The following PAM variants were observed in gnomAD, a reference collection of about 807,000 sequenced individuals.
The protein encoded by PAM is peptidyl-glycine alpha-amidating monooxygenase.
A neutral mutation model predicts 122.1 loss-of-function variants in PAM; 72 were observed. The observed-to-expected ratio is 0.59, with a 90% CI of 0.49 to 0.72. The LOEUF (loss-of-function observed/expected upper bound fraction) is 0.72. PAM is among the 30% of genes least tolerant of loss of function. The pLI is 0.00. For synonymous variants in PAM, 389 were observed against 404.4 expected, an observed-to-expected ratio of 0.96 and a Z score of 0.46; for missense variants, 1,106 against 1,183.7, an observed-to-expected ratio of 0.93 and a Z score of 0.96.
intron 1 of PAM, among the ~76,000 whole-genome samples, chr5:102,785,712 T>C (rs1176847330): frequency 6.6e-6 from 1 of 152,064 alleles, no homozygotes; most frequent in Non-Finnish European, 1.5e-5. Context: ...AAAGTGTAAG[T>C]TGGGGGAAAC....
At chr5:102,844,356 G>C (rs1779419185) in intron 1 of PAM, among the ~76,000 whole-genome samples, 1 of 152,114 alleles carries the variant, frequency 6.6e-6, no homozygotes, top group Non-Finnish European at 1.5e-5. Flanking sequence ...GGATCTCTCT[G>C]TACTATTTCT....
intron 1 of PAM, among the ~76,000 whole-genome samples, chr5:102,857,356 A>G (rs1370201222): frequency 6.6e-6 from 1 of 152,150 alleles, no homozygotes; most frequent in Non-Finnish European, 1.5e-5. Context: ...ATGGCTCTTC[A>G]AGAGAGTGGA....
intron 15 of PAM, among the ~76,000 whole-genome samples, chr5:102,979,305 T>C (rs1044804801): frequency 2.0e-5 from 3 of 152,184 alleles, no homozygotes; most frequent in Non-Finnish European, 2.9e-5. Context: ...GGTAAATCTC[T>C]TCCTCACTTC....
chr5:102,997,701 T>A (rs1267559129), intron 16 of PAM, among the ~76,000 whole-genome samples: 1 of 152,248 alleles, frequency 6.6e-6, no homozygotes, highest in African/African-American at 2.4e-5. Flanking sequence ...TTAATTTTAC[T>A]ATTTGCTGCC....
rs149345963 is a variant in PAM, at chr5:102,803,146, AAAGGAAGGAAGGAAGGAAGG to A, written c.-374+47841_-374+47860del. On this transcript the variant is annotated intron_variant, in intron 1 of 25. Coordinates refer to ENST00000438793, the MANE Select transcript of PAM (RefSeq NM_001177306.2). ...TCCAAAAAAAAAGAAAGAAAGAAAG[AAAGGAAGGAAGGAAGGAAGG>A]AAGGAAGGAAGGAAGGAAGGAAGGA... Among the ~76,000 whole-genome samples, 1,011 of 133,670 alleles carry A rather than the reference AAAGGAAGGAAGGAAGGAAGG, an allele frequency of 7.6e-3. 18 individuals carry two copies. The highest frequency in any genetic ancestry group is 0.011 in the Non-Finnish European group (678 of 63,970). The allele number at this position is 133,670 out of a possible 152,430, so 87.7% of individuals were successfully genotyped here. A position where few individuals can be genotyped will look rare whatever the true frequency, so the allele number is the denominator to read the frequency against.
chr5:102,946,840 A>C lies in PAM; in HGVS notation c.530A>C (p.Asn177Thr), dbSNP rs1757211307. ...HYGDISAFRD[N>T]NKDCSGVSLH... ...GTGTTTCTATGTGTGTTTTCAGATA[A>C]TAACAAGGACTGTTCTGGTGTGTCC... is the stretch of plus-strand genomic sequence containing the variant. The change falls in exon 8 of 26, where the codon AAT becomes ACT. Residue 177 changes from asparagine to threonine, a missense_variant. Coordinates refer to ENST00000438793, the MANE Select transcript of PAM (RefSeq NM_001177306.2). 1 of 1,588,846 alleles carries C rather than the reference A, an allele frequency of 6.3e-7. No homozygotes were observed. The highest frequency in any genetic ancestry group is 8.6e-7 in the Non-Finnish European group (1 of 1,158,246).
chr5:102,979,504 T>C (rs1768996010), intron 15 of PAM, among the ~76,000 whole-genome samples: 1 of 151,992 alleles, frequency 6.6e-6, no homozygotes, highest in Non-Finnish European at 1.5e-5. Flanking sequence ...GCAAGCACCA[T>C]ATTTTGTTTT....
intron 1 of PAM, among the ~76,000 whole-genome samples, chr5:102,820,952 A>G (rs1261221663): frequency 6.6e-6 from 1 of 152,212 alleles, no homozygotes; most frequent in Non-Finnish European, 1.5e-5. Flanking sequence ...GATTTTGGCA[A>G]GAATTTGAGG....
intron 1 of PAM, among the ~76,000 whole-genome samples, chr5:102,856,839 T>C (rs1782765852): frequency 6.6e-6 from 1 of 152,158 alleles, no homozygotes; most frequent in South Asian, 2.1e-4. Flanking sequence ...AAGGGAAAGA[T>C]ACTTCAAATT....
At chr5:102,983,655 GAGATAC>G (rs1160382072) in intron 15 of PAM, among the ~76,000 whole-genome samples, 2 of 152,028 alleles carry the variant, frequency 1.3e-5, no homozygotes, top group African/African-American at 4.8e-5. Flanking sequence ...CGTTTTGAAA[GAGATAC>G]AGATATCCAG....
chr5:102,962,395 CAG>C (rs1426789639), intron 14 of PAM, among the ~76,000 whole-genome samples: 1 of 151,684 alleles, frequency 6.6e-6, no homozygotes, highest in Admixed American at 6.6e-5. Context: ...TAGTGGTATT[CAG>C]AGTGTTTACT....
At chr5:102,914,676 C>T (rs2151583509) in intron 5 of PAM, among the ~76,000 whole-genome samples, 1 of 152,118 alleles carries the variant, frequency 6.6e-6, no homozygotes, top group Non-Finnish European at 1.5e-5. Context: ...ATTGTTATTT[C>T]CACTTTACAG....
intron 21 of PAM, among the ~76,000 whole-genome samples, chr5:103,012,325 A>G (rs1317146147): frequency 6.6e-6 from 1 of 152,192 alleles, no homozygotes; most frequent in East Asian, 1.9e-4. Flanking sequence ...GTATTACTCA[A>G]AACAATTTTG....
intron 1 of PAM, among the ~76,000 whole-genome samples, chr5:102,810,478 C>G (rs547772558): frequency 1.8e-4 from 27 of 152,202 alleles, no homozygotes; most frequent in Non-Finnish European, 3.1e-4. Context: ...GTAGACTTTT[C>G]CAGCATGAGA....
intron 5 of PAM, among the ~76,000 whole-genome samples, chr5:102,916,472 C>T (rs1803128542): frequency 6.6e-6 from 1 of 151,666 alleles, no homozygotes; most frequent in South Asian, 2.1e-4. Context: ...AATCATAAAA[C>T]AAGGACAATT....
At chr5:102,882,466 A>G (rs1459009814) in intron 3 of PAM, among the ~76,000 whole-genome samples, 1 of 151,662 alleles carries the variant, frequency 6.6e-6, no homozygotes, top group Non-Finnish European at 1.5e-5. Context: ...TTGCATTTCC[A>G]TGATTATTAG....
intron 9 of PAM, among the ~76,000 whole-genome samples, chr5:102,949,071 T>C (rs1757946903): frequency 1.3e-5 from 2 of 152,114 alleles, no homozygotes; most frequent in East Asian, 3.8e-4. Flanking sequence ...TCATCTATTA[T>C]AAAATGAATA....
rs1248019360 is a variant in PAM at position 102,820,493 on chromosome 5, G to A, written c.-373-45330G>A. ...ATTTTAATGCAGATAAGTGAATGTG[G>A]GTTGATAATTATGTAGAAAAAGATA... is the stretch of plus-strand genomic sequence containing the variant. On this transcript the variant is annotated intron_variant, in intron 1 of 25. Transcript: ENST00000438793. 6.6e-5 allele frequency among the ~76,000 whole-genome samples: 10 copies of A among 152,072 alleles called. No individual in the cohort carries two copies. In the East Asian group the frequency reaches 1.5e-3, roughly 23 times the overall value.
At chr5:102,776,986 A>G (rs77694960) in intron 1 of PAM, among the ~76,000 whole-genome samples, 4,231 of 152,132 alleles carry the variant, frequency 0.028, 110 homozygotes, top group East Asian at 0.13. Context: ...TTTTGCAAGT[A>G]TGCAGAAAAG....
Sources: allele counts gnomAD v4.1 joint callset (sites outside exome capture counted in the v4.1 genomes callset), GRCh38; gene constraint gnomAD v4.1.1; transcripts MANE v1.5; gene names NCBI Gene and HGNC (gene_info 2026-07-23, HGNC 2026-07-21).